Variants in PPP6R3 observed in about 807,000 individuals in gnomAD.
PPP6R3 encodes serine/threonine-protein phosphatase 6 regulatory subunit 3.
PPP6R3 carries 38 observed loss-of-function variants against 110.7 expected under a neutral mutation model. The observed-to-expected ratio is 0.34, with a 90% CI of 0.26 to 0.45. The LOEUF (loss-of-function observed/expected upper bound fraction) is 0.45, where lower values mean the gene tolerates loss of function less well. Ranked by LOEUF, PPP6R3 falls within the 20% of genes least tolerant of loss-of-function variation. The probability of loss-of-function intolerance (pLI) is 1.00; values close to 1 mark genes in which losing one functional copy is unlikely to be tolerated. For missense variants in PPP6R3, 870 were observed against 1,062.4 expected (o/e 0.82, Z 2.52); for synonymous variants, 369 against 373.5 (o/e 0.99, Z 0.14).
intron 17 of PPP6R3, 93 bp downstream of exon 17, chr11:68,590,807 G>A: frequency 7.4e-7 from 1 of 1,357,194 alleles, no homozygotes; most frequent in East Asian, 2.6e-5. Flanking sequence ...GGACCCCTGT[G>A]CTCTAGAGCC....
chr11:68,558,498 G>A lies in PPP6R3; in HGVS notation c.732-68G>A, dbSNP rs1244106679. On this transcript the variant is annotated intron_variant, in intron 7 of 23. Coordinates refer to ENST00000393800, the MANE Select transcript of PPP6R3 (RefSeq NM_001164161.2). ...TCAGTGATGCTTGTCTTGTACCGTC[G>A]TCTTTTTTTCTGAGGTTGTTGGTGA... The A allele has an allele frequency of 2.1e-5, 21 of 977,808 alleles. No homozygotes were observed. In the Middle Eastern group the frequency reaches 8.4e-4, roughly 39 times the overall value. The allele number at this position is 977,808 out of a possible 1,614,324, so 60.6% of individuals were successfully genotyped here.
intron 1 of PPP6R3, among the ~76,000 whole-genome samples, chr11:68,502,349 T>G (rs77816367): frequency 0.025 from 3,855 of 152,268 alleles, 84 homozygotes; most frequent in Non-Finnish European, 0.036. Flanking sequence ...ACCTCTTAGA[T>G]GAAACTAGTC....
chr11:68,602,044 CAG>C (rs1051904689), intron 21 of PPP6R3, 75 bp downstream of exon 21: 23 of 1,232,754 alleles, frequency 1.9e-5, no homozygotes, highest in African/African-American at 3.0e-5. Flanking sequence ...TTCTCAGGCT[CAG>C]GGGCTAGTGG....
intron 1 of PPP6R3, among the ~76,000 whole-genome samples, chr11:68,499,339 C>T: frequency 6.6e-6 from 1 of 152,064 alleles, no homozygotes; most frequent in East Asian, 1.9e-4. Flanking sequence ...ACATGCCTGG[C>T]AAGTAGGTTC....
At chr11:68,481,600 A>G (rs1327091346) in intron 1 of PPP6R3, among the ~76,000 whole-genome samples, 1 of 152,244 alleles carries the variant, frequency 6.6e-6, no homozygotes, top group Non-Finnish European at 1.5e-5. Flanking sequence ...AGGATTAAAG[A>G]TAAATATTGG....
intron 1 of PPP6R3, among the ~76,000 whole-genome samples, chr11:68,515,603 G>C (rs551930866): frequency 6.6e-6 from 1 of 152,182 alleles, no homozygotes; most frequent in Admixed American, 6.5e-5. Flanking sequence ...TTCAGCATTC[G>C]GGATTGTGGC....
chr11:68,534,723 C>T (rs1186100989), intron 2 of PPP6R3, among the ~76,000 whole-genome samples: 1 of 152,044 alleles, frequency 6.6e-6, no homozygotes, highest in African/African-American at 2.4e-5. Flanking sequence ...TCATACTTTG[C>T]CTTTAATACT....
chr11:68,562,636 A>G (rs1282000685), intron 8 of PPP6R3, among the ~76,000 whole-genome samples: 3 of 152,192 alleles, frequency 2.0e-5, no homozygotes, highest in Admixed American at 2.0e-4. Context: ...TTTTTAACAG[A>G]GGCATGGGGG....
At chr11:68,600,646 C>G (rs926214638) in intron 20 of PPP6R3, 152 bp downstream of exon 20, 1 of 847,978 alleles carries the variant, frequency 1.2e-6, no homozygotes, top group Middle Eastern at 3.6e-4. Context: ...TAACACAGCT[C>G]TGTGTTGTAA....
intron 22 of PPP6R3, 199 bp from the exon 23 acceptor site, chr11:68,609,705 T>C (rs1348034511): frequency 1.8e-5 from 28 of 1,573,952 alleles, no homozygotes; most frequent in Non-Finnish European, 2.3e-5. Flanking sequence ...TTCCCACCTG[T>C]GTGCGACCCT....
intron 1 of PPP6R3, among the ~76,000 whole-genome samples, chr11:68,476,881 C>G (rs1246078163): frequency 6.6e-6 from 1 of 151,610 alleles, no homozygotes; most frequent in Non-Finnish European, 1.5e-5. Flanking sequence ...TTTTATTTAG[C>G]TGGGCGTGGT....
chr11:68,528,465 C>T (rs2099214673), intron 2 of PPP6R3, among the ~76,000 whole-genome samples: 1 of 148,996 alleles, frequency 6.7e-6, no homozygotes, highest in South Asian at 2.1e-4. Flanking sequence ...ATGAAATTGA[C>T]ACTTCACTAA....
intron 10 of PPP6R3, among the ~76,000 whole-genome samples, chr11:68,568,305 T>G (rs1269757199): frequency 3.3e-5 from 5 of 152,230 alleles, no homozygotes; most frequent in African/African-American, 1.2e-4. Context: ...CACTGGTCTT[T>G]AATTTTACTA....
chr11:68,574,223 A>G lies in PPP6R3; in HGVS notation c.1458A>G (p.Lys486=), dbSNP rs1350830955. 1.2e-6 allele frequency: 2 copies of G among 1,610,692 alleles called. No homozygotes were observed. The highest frequency in any genetic ancestry group is 2.7e-5 in the African/African-American group (2 of 74,988). Reference sequence around the variant, plus strand: ...GTGCATTAGTGCAGCAGCTTATCAAAGGTAAGTTATTTGTGAAATTTGAAT... The same window carrying G: ...GTGCATTAGTGCAGCAGCTTATCAAGGGTAAGTTATTTGTGAAATTTGAAT... ...PNSALVQQLI[K]DLPDEVRERW... Residue 486 remains lysine, a splice_region_variant and synonymous_variant, in exon 13 of 24, where the codon AAA becomes AAG. Transcript: ENST00000393800.
chr11:68,561,892 T>G (rs1352347529), intron 8 of PPP6R3, among the ~76,000 whole-genome samples: 1 of 152,332 alleles, frequency 6.6e-6, no homozygotes, highest in South Asian at 2.1e-4. Flanking sequence ...CTGAAGTAGC[T>G]AGGACTACAG....
chr11:68,483,084 G>C (rs1480258107), intron 1 of PPP6R3, among the ~76,000 whole-genome samples: 1 of 152,148 alleles, frequency 6.6e-6, no homozygotes, highest in Non-Finnish European at 1.5e-5. Flanking sequence ...GAAGCCTTTA[G>C]AATTATATTG....
chr11:68,576,165 T>C (rs2099530615), intron 14 of PPP6R3, 122 bp downstream of exon 14: 2 of 702,386 alleles, frequency 2.8e-6, no homozygotes, highest in African/African-American at 1.8e-5. Flanking sequence ...TAAATTCTTA[T>C]CTCTTTACCA....
chr11:68,536,203 G>A (rs543108926), intron 2 of PPP6R3, among the ~76,000 whole-genome samples: 14 of 151,982 alleles, frequency 9.2e-5, no homozygotes, highest in African/African-American at 3.4e-4. Context: ...TTTTGAGGCA[G>A]ATGTTCATAA....
At chr11:68,594,327 AGAGAGAGTGAGAGAGAGAGT>A (rs1176650571) in intron 18 of PPP6R3, among the ~76,000 whole-genome samples, 2 of 130,366 alleles carry the variant, frequency 1.5e-5, no homozygotes, top group Admixed American at 7.1e-5. Context: ...AGAAAAAGAG[AGAGAGAGTGAGAGAGAGAGT>A]GAGAGAGAGA....
Sources: allele counts gnomAD v4.1 joint callset (sites outside exome capture counted in the v4.1 genomes callset), GRCh38; gene constraint gnomAD v4.1.1; transcripts MANE v1.5; gene names NCBI Gene and HGNC (gene_info 2026-07-23, HGNC 2026-07-21).